CDH2: variants seen among roughly 807,000 people sequenced by gnomAD.
CDH2 encodes the protein cadherin-2.
A neutral mutation model predicts 92.0 loss-of-function variants in CDH2; 17 were observed. The ratio of observed to expected loss-of-function variants is 0.18; its 90% confidence interval spans 0.13 to 0.28. The LOEUF (loss-of-function observed/expected upper bound fraction) is 0.28, where lower values mean the gene tolerates loss of function less well. Among genes scored for constraint, CDH2 ranks in the 10% least tolerant of loss-of-function variants. The pLI is 1.00. For missense variants in CDH2, 862 were observed against 1,133.1 expected, an observed-to-expected ratio of 0.76 and a Z score of 3.44; for synonymous variants, 419 against 415.9, an observed-to-expected ratio of 1.01 and a Z score of -0.09.
intron 1 of CDH2, among the ~76,000 whole-genome samples, chr18:28,176,083 T>G (rs1213341796): frequency 6.6e-6 from 1 of 152,178 alleles, no homozygotes; most frequent in African/African-American, 2.4e-5. Flanking sequence ...GCGCCCGGAC[T>G]GGAGCAGGTG....
At chr18:28,138,209 T>G (rs1568013407) in intron 2 of CDH2, among the ~76,000 whole-genome samples, 1 of 152,002 alleles carries the variant, frequency 6.6e-6, no homozygotes, top group East Asian at 1.9e-4. Context: ...GGTCTCCAGA[T>G]AACGTTGAAG....
At chr18:28,085,033 T>A (rs902542078) in intron 2 of CDH2, among the ~76,000 whole-genome samples, 1 of 152,144 alleles carries the variant, frequency 6.6e-6, no homozygotes, top group African/African-American at 2.4e-5. Flanking sequence ...AAATATATTA[T>A]ACGTATAGAC....
intron 6 of CDH2, among the ~76,000 whole-genome samples, chr18:28,003,598 T>C (rs1250041264): frequency 1.3e-5 from 2 of 152,212 alleles, no homozygotes; most frequent in Non-Finnish European, 2.9e-5. Context: ...ATGCTGAGTA[T>C]GATTCTCCCC....
At chr18:28,096,162 A>C (rs553096457) in intron 2 of CDH2, among the ~76,000 whole-genome samples, 1 of 152,302 alleles carries the variant, frequency 6.6e-6, no homozygotes, top group East Asian at 1.9e-4. Context: ...ACAGACTTTA[A>C]ATTTTACAAA....
chr18:28,166,058 G>C (rs2016373511), intron 1 of CDH2, among the ~76,000 whole-genome samples: 1 of 149,250 alleles, frequency 6.7e-6, no homozygotes, highest in Admixed American at 6.7e-5. Flanking sequence ...ATCTGACATA[G>C]TGTGACGTTT....
At chr18:27,938,343 C>T (rs1909066951) in intron 6 of CDH2, among the ~76,000 whole-genome samples, 2 of 152,064 alleles carry the variant, frequency 1.3e-5, no homozygotes, top group Admixed American at 1.3e-4. Flanking sequence ...ATACAGCATA[C>T]CTTTTGAAAA....
At chr18:27,988,982 A>C (rs2012324716) in intron 10 of CDH2, among the ~76,000 whole-genome samples, 1 of 152,218 alleles carries the variant, frequency 6.6e-6, no homozygotes, top group African/African-American at 2.4e-5. Flanking sequence ...ACAGATATCA[A>C]TGGTTCAGGT....
At chr18:28,077,475 C>G (rs866561332) in intron 2 of CDH2, among the ~76,000 whole-genome samples, 1 of 152,116 alleles carries the variant, frequency 6.6e-6, no homozygotes, top group African/African-American at 2.4e-5. Flanking sequence ...AGGCATCTGT[C>G]AGTGTGGTCT....
chr18:28,176,067 G>T (rs1420740161), intron 1 of CDH2, among the ~76,000 whole-genome samples: 4 of 152,220 alleles, frequency 2.6e-5, no homozygotes, highest in Admixed American at 2.0e-4. Flanking sequence ...AGTGGCGAGG[G>T]AACCTGCGCC....
At chr18:28,030,174 A>AT (rs902933872) in intron 2 of CDH2, among the ~76,000 whole-genome samples, 25 of 151,880 alleles carry the variant, frequency 1.6e-4, no homozygotes, top group African/African-American at 2.4e-4. Context: ...TAAAAATCCT[A>AT]TTTTTTTTGG....
intron 2 of CDH2, among the ~76,000 whole-genome samples, chr18:28,034,505 T>C (rs1009090639): frequency 6.6e-6 from 1 of 152,052 alleles, no homozygotes; most frequent in Non-Finnish European, 1.5e-5. Flanking sequence ...TTCCAGGAAC[T>C]ACAGATGAAA....
At chr18:28,157,784 A>C (rs1438689136) in intron 1 of CDH2, among the ~76,000 whole-genome samples, 1 of 152,198 alleles carries the variant, frequency 6.6e-6, no homozygotes, top group Non-Finnish European at 1.5e-5. Flanking sequence ...ACTATGGAAA[A>C]AATTAGGAAA....
At position 27,952,257 on chromosome 18, in the gene CDH2, G is replaced by C. The variant is rs1379928255; in HGVS notation, c.2617C>G (p.Leu873Val). 1.2e-6 allele frequency: 2 copies of C among 1,613,436 alleles called. No homozygotes were observed. The highest frequency in any genetic ancestry group is 4.5e-5 in the East Asian group (2 of 44,864). ...TCACCACCACTACTTGAGGAATTAA[G>C]GGAGCTCAAGGACCCAGCAGTGGAG... ...SGSTAGSLSSLNSSSSGGEQD... is the reference protein window; with the variant it reads ...SGSTAGSLSSVNSSSSGGEQD... Residue 873 changes from leucine (L) to valine (V), a missense_variant, in exon 16 of 16, where the codon CTT becomes GTT. Transcript: ENST00000269141.
chr18:28,006,065 G>T, intron 5 of CDH2, 72 bp from the exon 6 acceptor site: 1 of 1,222,238 alleles, frequency 8.2e-7, no homozygotes, highest in Non-Finnish European at 1.2e-6. Context: ...TCATCATAAG[G>T]CTACAAAAAT....
At chr18:27,995,141 T>A (rs890627946) in intron 7 of CDH2, among the ~76,000 whole-genome samples, 3 of 151,588 alleles carry the variant, frequency 2.0e-5, no homozygotes, top group Non-Finnish European at 4.4e-5. Flanking sequence ...TGAAACCCCG[T>A]CTCTATTAAA....
chr18:28,126,157 A>G (rs1048774180), intron 2 of CDH2, among the ~76,000 whole-genome samples: 1 of 152,206 alleles, frequency 6.6e-6, no homozygotes, highest in African/African-American at 2.4e-5. Context: ...GTTATTTTGA[A>G]GACTGCTATC....
intron 2 of CDH2, among the ~76,000 whole-genome samples, chr18:28,027,629 A>T (rs1313727583): frequency 1.3e-5 from 2 of 152,178 alleles, no homozygotes; most frequent in Non-Finnish European, 2.9e-5. Context: ...CTATGCATAC[A>T]ATTTTATATA....
chr18:28,007,446 T>A (rs2012970877), intron 5 of CDH2, among the ~76,000 whole-genome samples: 1 of 151,718 alleles, frequency 6.6e-6, no homozygotes, highest in Non-Finnish European at 1.5e-5. Flanking sequence ...TTGCCATTGG[T>A]TGCTGCTGGA....
At chr18:27,969,156 G>GC (rs1303917477) in intron 14 of CDH2, among the ~76,000 whole-genome samples, 5 of 152,172 alleles carry the variant, frequency 3.3e-5, no homozygotes, top group East Asian at 1.9e-4. Context: ...GATTATCACA[G>GC]CCCCCCCACC....
Sources: gnomAD v4.1 joint callset for allele counts (sites outside exome capture counted in the v4.1 genomes callset) on GRCh38, gnomAD v4.1.1 for gene constraint, MANE v1.5 for transcripts, NCBI Gene and HGNC (gene_info 2026-07-23, HGNC 2026-07-21) for gene names.